GRIP1: variants seen among roughly 807,000 people sequenced by gnomAD.
GRIP1 encodes the protein glutamate receptor interacting protein 1.
GRIP1 carries 45 observed loss-of-function variants against 129.9 expected under a neutral mutation model. The ratio of observed to expected loss-of-function variants is 0.35; its 90% CI spans 0.27 to 0.44. The LOEUF is 0.44. Among genes scored for constraint, GRIP1 ranks in the 20% least tolerant of loss-of-function variants. The probability of loss-of-function intolerance (pLI) is 1.00; values close to 1 mark genes in which losing one functional copy is unlikely to be tolerated. For missense variants in GRIP1, 1,196 were observed against 1,396.8 expected (o/e 0.86, Z 2.29); for synonymous variants, 530 against 520.8 (o/e 1.02, Z -0.24).
chr12:66,959,439 C>G (rs942510050), intron 1 of GRIP1, among the ~76,000 whole-genome samples: 1 of 152,086 alleles, frequency 6.6e-6, no homozygotes, highest in Admixed American at 6.6e-5. Flanking sequence ...GTCATGAAAG[C>G]ACAGATTATG....
intron 7 of GRIP1, among the ~76,000 whole-genome samples, chr12:66,467,603 G>T (rs1241844453): frequency 6.6e-6 from 1 of 152,184 alleles, no homozygotes; most frequent in Non-Finnish European, 1.5e-5. Flanking sequence ...TATCACTAAG[G>T]TGGTTAGTTT....
chr12:66,964,225 C>A (rs2041964053), intron 1 of GRIP1, among the ~76,000 whole-genome samples: 1 of 152,110 alleles, frequency 6.6e-6, no homozygotes, highest in Non-Finnish European at 1.5e-5. Flanking sequence ...TTGTTGAATA[C>A]CTTCTGTGTG....
chr12:66,776,222 G>A (rs1006611873), intron 1 of GRIP1, among the ~76,000 whole-genome samples: 1 of 152,118 alleles, frequency 6.6e-6, no homozygotes, highest in Non-Finnish European at 1.5e-5. Flanking sequence ...ACAGGACCCT[G>A]GTTTAACTGT....
intron 1 of GRIP1, among the ~76,000 whole-genome samples, chr12:66,870,903 T>C (rs767223056): frequency 2.6e-5 from 4 of 152,144 alleles, no homozygotes; most frequent in African/African-American, 9.7e-5. Flanking sequence ...GCTGAACTAC[T>C]GCATTGCACT....
chr12:66,546,274 G>A lies in GRIP1; in HGVS notation c.137-4324C>T, dbSNP rs146445900. Among the ~76,000 whole-genome samples, 15 of 152,100 alleles carry A rather than the reference G, an allele frequency of 9.9e-5. 1 individual carries two copies. In the East Asian group the frequency reaches 2.9e-3, roughly 29 times the overall value. On this transcript the variant is annotated intron_variant, in intron 2 of 24. Coordinates refer to ENST00000359742, the MANE Select transcript of GRIP1 (RefSeq NM_001366722.1). ...AGAGGCTGAGAGGGGAGAATCATTT[G>A]AGACCAGGTGTTCAAGAGCAGCAAC...
intron 9 of GRIP1, among the ~76,000 whole-genome samples, chr12:66,459,020 A>G (rs575362905): frequency 8.5e-5 from 13 of 152,346 alleles, no homozygotes; most frequent in African/African-American, 2.9e-4. Context: ...GCTGTCTGAA[A>G]CAGCTTTATT....
intron 1 of GRIP1, among the ~76,000 whole-genome samples, chr12:66,689,341 C>A (rs1158454355): frequency 6.6e-6 from 1 of 152,118 alleles, no homozygotes; most frequent in Non-Finnish European, 1.5e-5. Flanking sequence ...GAAAAGCAGG[C>A]GGAAGGTCAG....
intron 1 of GRIP1, among the ~76,000 whole-genome samples, chr12:66,850,985 G>T (rs2039901428): frequency 6.8e-6 from 1 of 147,938 alleles, no homozygotes. Context: ...TATGATATCT[G>T]GGATCTTTTA....
chr12:67,027,417 C>T (rs974502692), intron 1 of GRIP1, among the ~76,000 whole-genome samples: 3 of 152,168 alleles, frequency 2.0e-5, no homozygotes, highest in Non-Finnish European at 2.9e-5. Flanking sequence ...CCTACCAGTC[C>T]GTCCATCCAT....
intron 1 of GRIP1, among the ~76,000 whole-genome samples, chr12:66,765,859 A>T (rs557246421): frequency 1.6e-4 from 25 of 152,324 alleles, no homozygotes; most frequent in African/African-American, 5.8e-4. Context: ...AATAGAAAAG[A>T]TGGGGAGACA....
intron 17 of GRIP1, among the ~76,000 whole-genome samples, chr12:66,393,454 G>A (rs1311383939): frequency 6.6e-6 from 1 of 152,074 alleles, no homozygotes; most frequent in Non-Finnish European, 1.5e-5. Context: ...TTACAGGTGT[G>A]AGCCACCGCA....
intron 1 of GRIP1, among the ~76,000 whole-genome samples, chr12:66,935,683 G>T (rs980115086): frequency 2.0e-5 from 3 of 152,134 alleles, no homozygotes; most frequent in Non-Finnish European, 2.9e-5. Context: ...AGACTCCAGG[G>T]GTGCCTTATG....
At chr12:66,629,924 T>A (rs937119050) in intron 1 of GRIP1, among the ~76,000 whole-genome samples, 3 of 152,188 alleles carry the variant, frequency 2.0e-5, no homozygotes, top group African/African-American at 7.2e-5. Flanking sequence ...TTCCTGAAAG[T>A]CTTTGAATCT....
At chr12:66,846,830 G>A (rs1393170355) in intron 1 of GRIP1, among the ~76,000 whole-genome samples, 3 of 152,298 alleles carry the variant, frequency 2.0e-5, no homozygotes, top group South Asian at 2.1e-4. Flanking sequence ...CGGGGCAGAG[G>A]AAGAGGGGGG....
chr12:66,910,986 T>C (rs886321682), intron 1 of GRIP1, among the ~76,000 whole-genome samples: 2 of 152,214 alleles, frequency 1.3e-5, no homozygotes, highest in Non-Finnish European at 2.9e-5. Context: ...CATACCTTCA[T>C]CTATTCAGTA....
At chr12:66,599,001 T>C (rs1482952732) in intron 1 of GRIP1, among the ~76,000 whole-genome samples, 3 of 152,200 alleles carry the variant, frequency 2.0e-5, no homozygotes, top group Non-Finnish European at 4.4e-5. Flanking sequence ...ATTTCAGAAG[T>C]AGTGAACCCT....
chr12:66,860,173 C>T (rs1008039840), intron 1 of GRIP1, among the ~76,000 whole-genome samples: 5 of 152,056 alleles, frequency 3.3e-5, no homozygotes, highest in South Asian at 2.1e-4. Flanking sequence ...GATAACTTAT[C>T]GGAAAAGCCT....
intron 1 of GRIP1, among the ~76,000 whole-genome samples, chr12:66,934,104 C>G (rs752228369): frequency 6.6e-6 from 1 of 152,158 alleles, no homozygotes; most frequent in African/African-American, 2.4e-5. Flanking sequence ...TTGAAAAGAC[C>G]TCCAAGGTCT....
At chr12:66,941,346 C>T (rs2041582423) in intron 1 of GRIP1, among the ~76,000 whole-genome samples, 1 of 152,178 alleles carries the variant, frequency 6.6e-6, no homozygotes, top group East Asian at 1.9e-4. Flanking sequence ...TTCTAGGCCA[C>T]ACTGGAATCT....
Sources: allele counts gnomAD v4.1 joint callset (sites outside exome capture counted in the v4.1 genomes callset), GRCh38; gene constraint gnomAD v4.1.1; transcripts MANE v1.5; gene names NCBI Gene and HGNC (gene_info 2026-07-23, HGNC 2026-07-21).